The following CNTNAP2 variants were observed in gnomAD, a reference collection of about 807,000 sequenced individuals.
CNTNAP2 encodes the protein contactin associated protein 2.
In CNTNAP2, 98 loss-of-function variants were observed where a neutral mutation model predicts 155.2. That is an observed-to-expected ratio of 0.63 (90% CI 0.54 to 0.75). The LOEUF (loss-of-function observed/expected upper bound fraction) is 0.75. Ranked by LOEUF, CNTNAP2 falls within the 30% of genes least tolerant of loss-of-function variation. CNTNAP2 has a pLI of 0.00. For missense variants in CNTNAP2, 1,727 were observed against 1,688.1 expected (o/e 1.02, Z -0.40); for synonymous variants, 651 against 631.2 (o/e 1.03, Z -0.47).
intron 9 of CNTNAP2, among the ~76,000 whole-genome samples, chr7:147,382,329 T>C (rs1371950354): frequency 3.9e-5 from 6 of 152,134 alleles, no homozygotes; most frequent in Non-Finnish European, 8.8e-5. Context: ...AAATCTGTGG[T>C]AGTCTGGGCT....
chr7:148,325,442 A>C (rs1412449046), intron 21 of CNTNAP2, among the ~76,000 whole-genome samples: 2 of 152,246 alleles, frequency 1.3e-5, no homozygotes, highest in East Asian at 3.8e-4. Context: ...AACAAAGACC[A>C]TCTGGTGCTG....
At chr7:148,174,421 C>CT (rs920369627) in intron 18 of CNTNAP2, among the ~76,000 whole-genome samples, 1 of 144,008 alleles carries the variant, frequency 6.9e-6, no homozygotes, top group Non-Finnish European at 1.5e-5. Flanking sequence ...CCTGTGACCG[C>CT]CCCCCACCTC....
chr7:147,609,793 C>G (rs1199032229), intron 12 of CNTNAP2, among the ~76,000 whole-genome samples: 1 of 151,990 alleles, frequency 6.6e-6, no homozygotes, highest in Non-Finnish European at 1.5e-5. Flanking sequence ...GGAGAGAAAC[C>G]TGAACACCCA....
intron 3 of CNTNAP2, among the ~76,000 whole-genome samples, chr7:146,877,429 C>A (rs1025120193): frequency 2.0e-5 from 3 of 151,704 alleles, no homozygotes; most frequent in African/African-American, 7.3e-5. Context: ...GGGTTGAGCC[C>A]ACAAATTTGA....
chr7:146,255,823 C>T (rs1299671525), intron 1 of CNTNAP2, among the ~76,000 whole-genome samples: 1 of 152,148 alleles, frequency 6.6e-6, no homozygotes, highest in African/African-American at 2.4e-5. Context: ...TGCACTGTAG[C>T]AGTCCATTGT....
chr7:148,062,004 TA>T (rs1307608623), intron 15 of CNTNAP2, among the ~76,000 whole-genome samples: 7,573 of 97,544 alleles, frequency 0.078, 437 homozygotes, highest in East Asian at 0.12. Context: ...GATAGATAGA[TA>T]GATGATAGAG....
At chr7:147,757,933 T>C (rs1797236914) in intron 13 of CNTNAP2, among the ~76,000 whole-genome samples, 1 of 152,200 alleles carries the variant, frequency 6.6e-6, no homozygotes, top group Non-Finnish European at 1.5e-5. Context: ...ACGTAGCACT[T>C]TATCAGGAAG....
At chr7:147,436,315 G>T (rs1797546883) in intron 10 of CNTNAP2, among the ~76,000 whole-genome samples, 1 of 151,956 alleles carries the variant, frequency 6.6e-6, no homozygotes, top group African/African-American at 2.4e-5. Context: ...TGTCATTCTT[G>T]TTTGGTTCAA....
At chr7:147,484,123 A>G (rs1199451373) in intron 10 of CNTNAP2, among the ~76,000 whole-genome samples, 1 of 152,002 alleles carries the variant, frequency 6.6e-6, no homozygotes, top group Non-Finnish European at 1.5e-5. Flanking sequence ...TGCATTTTTC[A>G]TGAATCAGAT....
intron 15 of CNTNAP2, among the ~76,000 whole-genome samples, chr7:148,022,377 G>A (rs1182389948): frequency 2.6e-5 from 4 of 151,536 alleles, no homozygotes; most frequent in East Asian, 1.9e-4. Flanking sequence ...GCTGAGGCAG[G>A]AGAATTGCTT....
rs1563070236 is a variant in CNTNAP2, at chr7:147,083,524, A to ATATATATATATACATATATATATATG, written c.551-24610_551-24585dup. Among the ~76,000 whole-genome samples, 48 of 81,526 alleles carry ATATATATATATACATATATATATATG rather than the reference A, an allele frequency of 5.9e-4. No individual in the cohort carries two copies. The East Asian group carries it at 6.9e-3, about 12-fold the overall frequency. 53.5% of individuals were successfully genotyped at this position (81,526 alleles called of 152,430 possible). Reference sequence around the variant, plus strand: ...TCAGGTTAAAAGTAAACATCATTTTATATATATATATACATATATATATAT... The same window carrying ATATATATATATACATATATATATATG: ...TCAGGTTAAAAGTAAACATCATTTTATATATATATATACATATATATATATGTATATATATATACATATATATATAT... On this transcript the variant is annotated intron_variant, in intron 4 of 23. Transcript: ENST00000361727.
chr7:147,583,533 A>ATATATAG (rs1240294188), intron 12 of CNTNAP2, among the ~76,000 whole-genome samples: 1 of 111,246 alleles, frequency 9.0e-6, no homozygotes. Flanking sequence ...TATATATATA[A>ATATATAG]TGTCAAACAG....
chr7:146,934,881 T>A (rs1221758814), intron 3 of CNTNAP2, among the ~76,000 whole-genome samples: 1 of 152,134 alleles, frequency 6.6e-6, no homozygotes, highest in Admixed American at 6.5e-5. Context: ...ACAAATGCCA[T>A]GTAAACAGTG....
chr7:146,144,335 A>G (rs990862926), intron 1 of CNTNAP2, among the ~76,000 whole-genome samples: 2 of 151,924 alleles, frequency 1.3e-5, no homozygotes, highest in Non-Finnish European at 2.9e-5. Context: ...TATTTTGGTT[A>G]GAGAGGGGCT....
chr7:147,549,749 G>A (rs1292495512), intron 11 of CNTNAP2, among the ~76,000 whole-genome samples: 4 of 152,162 alleles, frequency 2.6e-5, no homozygotes, highest in Non-Finnish European at 4.4e-5. Context: ...CAGTGGGCTC[G>A]ATGTGTCTGA....
At chr7:146,416,374 G>T (rs780201252) in intron 1 of CNTNAP2, among the ~76,000 whole-genome samples, 9 of 151,910 alleles carry the variant, frequency 5.9e-5, no homozygotes, top group Admixed American at 1.3e-4. Flanking sequence ...ACCTGGGTCA[G>T]TTTGCCTCTC....
chr7:147,563,464 A>G (rs1185956827), intron 12 of CNTNAP2, among the ~76,000 whole-genome samples: 1 of 152,036 alleles, frequency 6.6e-6, no homozygotes, highest in Non-Finnish European at 1.5e-5. Context: ...CCCTGTCTCT[A>G]CTAAAAATCC....
rs576200441 is a variant in CNTNAP2 at position 148,211,669 on chromosome 7, T to C, written c.3011-5619T>C. Among the ~76,000 whole-genome samples the C allele has an allele frequency of 2.6e-5, 4 of 152,356 alleles. No individual in the cohort carries two copies. In the East Asian group the frequency reaches 7.7e-4, roughly 29 times the overall value. On this transcript the variant is annotated intron_variant, in intron 18 of 23. Coordinates refer to ENST00000361727, the MANE Select transcript of CNTNAP2 (RefSeq NM_014141.6). ...TTGGGTCACTTCGTTGAAATCCCTG[T>C]GGGAGCAGAGTTCCCTGGGGTTCTT...
At chr7:147,676,218 GT>G (rs1034929169) in intron 13 of CNTNAP2, among the ~76,000 whole-genome samples, 1 of 151,886 alleles carries the variant, frequency 6.6e-6, no homozygotes, top group African/African-American at 2.4e-5. Flanking sequence ...AATGAAGAAT[GT>G]TTTCTTATGG....
Sources: allele counts gnomAD v4.1 joint callset (sites outside exome capture counted in the v4.1 genomes callset), GRCh38; gene constraint gnomAD v4.1.1; transcripts MANE v1.5; gene names NCBI Gene and HGNC (gene_info 2026-07-23, HGNC 2026-07-21).